RBFOX1: variants seen among roughly 807,000 people sequenced by gnomAD.
The protein encoded by RBFOX1 is RNA binding fox-1 homolog 1.
RBFOX1 carries 8 observed loss-of-function variants against 57.7 expected under a neutral mutation model. The observed-to-expected ratio is 0.14, with a 90% CI of 0.08 to 0.25. The LOEUF is 0.25. Ranked by LOEUF, RBFOX1 falls within the 10% of genes least tolerant of loss-of-function variation. The probability of loss-of-function intolerance (pLI) is 1.00; values close to 1 mark genes in which losing one functional copy is unlikely to be tolerated. For synonymous variants in RBFOX1, 326 were observed against 222.4 expected (o/e 1.47, Z -4.15); for missense variants, 611 against 548.5 (o/e 1.11, Z -1.14).
chr16:7,587,182 A>C, intron 6 of RBFOX1, 65 bp from the exon 7 acceptor site: 5 of 1,396,134 alleles, frequency 3.6e-6, no homozygotes, highest in Non-Finnish European at 9.4e-7. Context: ...AACAATTACT[A>C]CTGTACATAG....
chr16:6,332,295 T>G lies in RBFOX1; in HGVS notation c.-64+15238T>G, dbSNP rs76202436. 8.0e-3 allele frequency among the ~76,000 whole-genome samples: 1,215 copies of G among 152,310 alleles called. 22 individuals carry two copies. The highest frequency in any genetic ancestry group is 0.027 in the African/African-American group (1,142 of 41,548). On this transcript the variant is annotated intron_variant, in intron 2 of 15. Coordinates refer to ENST00000550418, the MANE Select transcript of RBFOX1 (RefSeq NM_018723.4). ...ACCAGCATTTACTGAGTGTTTATTATGTACCTGTCACTGTGTGAGGCATTT... is the reference window on the plus strand; with the variant it reads ...ACCAGCATTTACTGAGTGTTTATTAGGTACCTGTCACTGTGTGAGGCATTT...
At chr16:5,459,333 G>A (rs1216294404) in intron 1 of RBFOX1, among the ~76,000 whole-genome samples, 2 of 152,188 alleles carry the variant, frequency 1.3e-5, no homozygotes, top group Non-Finnish European at 2.9e-5. Flanking sequence ...GGGTCTTCAG[G>A]CTTGACTGCA....
intron 2 of RBFOX1, among the ~76,000 whole-genome samples, chr16:6,633,562 G>A (rs1445270383): frequency 6.6e-6 from 1 of 152,114 alleles, no homozygotes; most frequent in Non-Finnish European, 1.5e-5. Context: ...CCAATGTGCT[G>A]GGATTACAGG....
intron 1 of RBFOX1, among the ~76,000 whole-genome samples, chr16:5,350,694 CG>C (rs1477090965): frequency 1.3e-5 from 2 of 152,058 alleles, no homozygotes; most frequent in African/African-American, 4.8e-5. Flanking sequence ...GGTGAAACCC[CG>C]TCTCTAGTGA....
At position 5,343,921 on chromosome 16, in the gene RBFOX1, T is replaced by C. The variant is rs1377832660; in HGVS notation, c.219+103816T>C. 4.6e-5 allele frequency among the ~76,000 whole-genome samples: 7 copies of C among 152,316 alleles called. No homozygotes were observed. The South Asian group carries it at 1.0e-3, about 23-fold the overall frequency. Reference sequence around the variant, plus strand: ...GCAGTGGATTTCTGGTATAAATGTGTGCTTGTGTCTCTTTCAGGACGTGGT... The same window carrying C: ...GCAGTGGATTTCTGGTATAAATGTGCGCTTGTGTCTCTTTCAGGACGTGGT... On this transcript the variant is annotated intron_variant, in intron 1 of 2. Coordinates refer to the RBFOX1 transcript ENST00000585867.
chr16:6,102,284 T>C (rs1431987743), intron 1 of RBFOX1, among the ~76,000 whole-genome samples: 1 of 152,130 alleles, frequency 6.6e-6, no homozygotes, highest in Non-Finnish European at 1.5e-5. Flanking sequence ...CTATCTTTCC[T>C]TCTTAGAAAG....
intron 2 of RBFOX1, among the ~76,000 whole-genome samples, chr16:6,383,191 C>A (rs1018221323): frequency 1.3e-5 from 2 of 152,224 alleles, no homozygotes; most frequent in African/African-American, 4.8e-5. Context: ...TGGCTTTCTT[C>A]TTGTTAAAGG....
intron 3 of RBFOX1, among the ~76,000 whole-genome samples, chr16:6,980,227 A>C (rs541279843): frequency 2.6e-5 from 4 of 152,182 alleles, no homozygotes; most frequent in Non-Finnish European, 4.4e-5. Flanking sequence ...TTGAAAAATT[A>C]CCGCAAAATT....
At chr16:6,243,137 C>CGT (rs34797833) in intron 1 of RBFOX1, among the ~76,000 whole-genome samples, 1,730 of 150,414 alleles carry the variant, frequency 0.012, 34 homozygotes, top group African/African-American at 0.04. Context: ...GATATTTATA[C>CGT]GTGTGTCTGT....
intron 3 of RBFOX1, among the ~76,000 whole-genome samples, chr16:6,932,467 C>G (rs1381172492): frequency 6.6e-6 from 1 of 152,156 alleles, no homozygotes; most frequent in Non-Finnish European, 1.5e-5. Context: ...ACATTTCAAC[C>G]TTGGAGGAAA....
intron 4 of RBFOX1, among the ~76,000 whole-genome samples, chr16:7,218,629 T>TCTGTGTGTGTGTGTGTGTGTGC (rs59243053): frequency 0.032 from 301 of 9,404 alleles, 4 homozygotes; most frequent in African/African-American, 0.072. Context: ...GGGGGTTTGC[T>TCTGTGTGTGTGTGTGTGTGTGC]GTGTGTGTGT....
intron 3 of RBFOX1, among the ~76,000 whole-genome samples, chr16:5,805,287 T>G (rs1034667359): frequency 9.2e-5 from 14 of 152,214 alleles, no homozygotes; most frequent in African/African-American, 3.4e-4. Context: ...TTTATTTATT[T>G]ACTCATTCCA....
chr16:7,192,918 C>T (rs1378936409), intron 4 of RBFOX1, among the ~76,000 whole-genome samples: 1 of 152,196 alleles, frequency 6.6e-6, no homozygotes, highest in African/African-American at 2.4e-5. Flanking sequence ...CTTCTGAGAA[C>T]AATGTAAAAA....
chr16:6,667,447 G>A (rs919897089), intron 3 of RBFOX1, among the ~76,000 whole-genome samples: 11 of 152,094 alleles, frequency 7.2e-5, no homozygotes, highest in African/African-American at 1.9e-4. Context: ...TGGCTTCCTG[G>A]TTATTTAACC....
intron 3 of RBFOX1, among the ~76,000 whole-genome samples, chr16:5,750,489 C>A (rs1310446822): frequency 1.3e-5 from 2 of 152,212 alleles, no homozygotes; most frequent in African/African-American, 4.8e-5. Flanking sequence ...GGCAGGCAGG[C>A]CTCCTTGAGC....
chr16:7,529,343 C>G (rs909873707), intron 5 of RBFOX1, among the ~76,000 whole-genome samples: 3 of 152,190 alleles, frequency 2.0e-5, no homozygotes, highest in African/African-American at 7.2e-5. Flanking sequence ...GAGAGATTAA[C>G]TTATGTTGGA....
chr16:6,742,429 TTAAAA>T (rs1568426455), intron 3 of RBFOX1, among the ~76,000 whole-genome samples: 1 of 152,194 alleles, frequency 6.6e-6, no homozygotes, highest in Non-Finnish European at 1.5e-5. Context: ...TTGTAGTTTC[TTAAAA>T]TAAATAGACA....
intron 1 of RBFOX1, among the ~76,000 whole-genome samples, chr16:5,266,549 T>TTTC (rs2151111575): frequency 6.7e-3 from 1 of 150 alleles, no homozygotes; most frequent in African/African-American, 0.021. Flanking sequence ...AAATGTTCAG[T>TTTC]TTTTTTTTTT....
intron 3 of RBFOX1, among the ~76,000 whole-genome samples, chr16:6,805,720 A>C (rs2086607777): frequency 6.6e-6 from 1 of 152,132 alleles, no homozygotes; most frequent in African/African-American, 2.4e-5. Context: ...TGCATGCCTC[A>C]CAATGTACCC....
Sources: gnomAD v4.1 joint callset for allele counts (sites outside exome capture counted in the v4.1 genomes callset) on GRCh38, gnomAD v4.1.1 for gene constraint, MANE v1.5 for transcripts, NCBI Gene and HGNC (gene_info 2026-07-23, HGNC 2026-07-21) for gene names.